Variants in UBE3D observed in about 807,000 individuals in gnomAD.
UBE3D encodes the protein ubiquitin protein ligase E3D, also known as E3 ubiquitin-protein ligase E3D.
A neutral mutation model predicts 49.6 loss-of-function variants in UBE3D; 48 were observed. The ratio of observed to expected loss-of-function variants is 0.97; its 90% CI spans 0.77 to 1.23. The LOEUF is 1.23. Among genes scored for constraint, UBE3D ranks in the 50% most tolerant of loss-of-function variants. The pLI is 0.00. For missense variants in UBE3D, 452 were observed against 468.4 expected, an observed-to-expected ratio of 0.96 and a Z score of 0.32; for synonymous variants, 189 against 174.2, an observed-to-expected ratio of 1.08 and a Z score of -0.67.
At chr6:82,984,030 G>A (rs1043947132) in intron 8 of UBE3D, among the ~76,000 whole-genome samples, 18 of 152,172 alleles carry the variant, frequency 1.2e-4, no homozygotes, top group African/African-American at 4.3e-4. Context: ...TATGAAATCA[G>A]ATATATTTTT....
At chr6:82,900,618 G>A (rs1490469982) in intron 9 of UBE3D, among the ~76,000 whole-genome samples, 1 of 152,132 alleles carries the variant, frequency 6.6e-6, no homozygotes, top group Non-Finnish European at 1.5e-5. Context: ...AAGGAAAGAG[G>A]AGGAAATAGC....
chr6:82,977,061 C>T (rs186684338), intron 8 of UBE3D, among the ~76,000 whole-genome samples: 158 of 120,868 alleles, frequency 1.3e-3, no homozygotes, highest in African/African-American at 4.8e-3. Flanking sequence ...TTGCAGTGAA[C>T]TGAGATTGTG....
chr6:82,962,420 A>C (rs556535733), intron 8 of UBE3D, among the ~76,000 whole-genome samples: 1 of 152,296 alleles, frequency 6.6e-6, no homozygotes. Context: ...CTGGAGCCTA[A>C]TTTCCTCACA....
At chr6:82,894,887 T>C (rs1326842877) in intron 9 of UBE3D, among the ~76,000 whole-genome samples, 1 of 152,222 alleles carries the variant, frequency 6.6e-6, no homozygotes, top group Admixed American at 6.5e-5. Context: ...ACGCTGCTTA[T>C]ATTCAAACAT....
chr6:83,041,945 C>G (rs921446948), intron 4 of UBE3D, among the ~76,000 whole-genome samples: 1 of 152,014 alleles, frequency 6.6e-6, no homozygotes, highest in African/African-American at 2.4e-5. Context: ...GTGTCTCGCT[C>G]TGTCACCAGG....
intron 5 of UBE3D, among the ~76,000 whole-genome samples, chr6:83,026,087 G>A (rs1781440802): frequency 6.6e-6 from 1 of 151,980 alleles, no homozygotes; most frequent in Non-Finnish European, 1.5e-5. Flanking sequence ...ATAACTGCAT[G>A]CATGTTTCAA....
chr6:82,978,056 A>G (rs972351481), intron 8 of UBE3D, among the ~76,000 whole-genome samples: 2 of 151,712 alleles, frequency 1.3e-5, no homozygotes, highest in Non-Finnish European at 2.9e-5. Context: ...CTCATGCCCC[A>G]CATCTCGGTG....
intron 9 of UBE3D, among the ~76,000 whole-genome samples, chr6:82,939,572 T>C (rs953260437): frequency 9.2e-5 from 14 of 152,206 alleles, no homozygotes; most frequent in African/African-American, 3.4e-4. Context: ...ATACTTACCA[T>C]TGTATTACAA....
At chr6:82,983,089 G>A (rs1293984932) in intron 8 of UBE3D, among the ~76,000 whole-genome samples, 1 of 151,188 alleles carries the variant, frequency 6.6e-6, no homozygotes, top group Non-Finnish European at 1.5e-5. Context: ...GGGCTCAAGT[G>A]ATCCTCCTGC....
intron 9 of UBE3D, among the ~76,000 whole-genome samples, chr6:82,896,766 G>C (rs1771351601): frequency 6.6e-6 from 1 of 150,696 alleles, no homozygotes; most frequent in Admixed American, 6.6e-5. Flanking sequence ...TTTTGAGAGA[G>C]AGTCTTGCTC....
chr6:82,932,967 T>C (rs576444102), intron 9 of UBE3D, among the ~76,000 whole-genome samples: 113 of 152,252 alleles, frequency 7.4e-4, no homozygotes, highest in African/African-American at 2.2e-3. Context: ...TTATAAAGAA[T>C]GTGACAGTAT....
At chr6:83,041,334 G>A (rs1782657493) in intron 4 of UBE3D, among the ~76,000 whole-genome samples, 1 of 152,132 alleles carries the variant, frequency 6.6e-6, no homozygotes, top group South Asian at 2.1e-4. Flanking sequence ...GGGTAATCAG[G>A]ATTTAAAAAT....
chr6:82,986,578 T>C (rs927150621), intron 8 of UBE3D, among the ~76,000 whole-genome samples: 2 of 150,006 alleles, frequency 1.3e-5, no homozygotes, highest in Admixed American at 6.6e-5. Flanking sequence ...TTCAGCATTT[T>C]AATTTCTGTG....
intron 9 of UBE3D, among the ~76,000 whole-genome samples, chr6:82,912,434 G>T (rs1177311577): frequency 2.0e-5 from 3 of 151,222 alleles, no homozygotes; most frequent in African/African-American, 7.3e-5. Context: ...CTATTAAACT[G>T]GAATTTTTGG....
At position 83,057,890 on chromosome 6, in the gene UBE3D, C is replaced by A; in HGVS notation, c.210G>T (p.Gly70=). The part of the protein sequence containing the change: ...EVRLVPSSCR[G]LQFVVGDGLH... ...GTCCATCTCCAACAACAAACTGTAG[C>A]CCACGGCAAGAGGAAGGTACAAGCC... Residue 70 remains glycine, a synonymous_variant, in exon 2 of 10, where the codon GGG becomes GGT. Coordinates refer to ENST00000369747, the MANE Select transcript of UBE3D (RefSeq NM_198920.3). 1 of 1,614,174 alleles carries A rather than the reference C, an allele frequency of 6.2e-7. No individual in the cohort carries two copies. Among genetic ancestry groups the A allele is most frequent in the African/African-American group, 1.3e-5 (1 of 75,034 alleles).
At chr6:82,902,356 C>A (rs968826015) in intron 9 of UBE3D, among the ~76,000 whole-genome samples, 1 of 152,178 alleles carries the variant, frequency 6.6e-6, no homozygotes, top group Non-Finnish European at 1.5e-5. Flanking sequence ...TTTAAGGCAG[C>A]ATTATTTTAA....
intron 9 of UBE3D, among the ~76,000 whole-genome samples, chr6:82,900,679 T>C (rs1019712946): frequency 1.3e-5 from 2 of 152,156 alleles, no homozygotes; most frequent in Non-Finnish European, 2.9e-5. Context: ...AAAAGTGTCA[T>C]GGAAACACTA....
At chr6:82,957,163 C>G (rs1170344905) in intron 9 of UBE3D, 149 bp downstream of exon 9, 1 of 794,226 alleles carries the variant, frequency 1.3e-6, no homozygotes, top group Non-Finnish European at 1.9e-6. Flanking sequence ...AAACAAAAAA[C>G]AGATAGACAA....
intron 4 of UBE3D, among the ~76,000 whole-genome samples, chr6:83,042,338 C>T (rs4612135): frequency 2.6e-5 from 4 of 152,228 alleles, no homozygotes; most frequent in Non-Finnish European, 5.9e-5. Context: ...AATAACAAAG[C>T]CTCCAATAAA....
Sources: allele counts gnomAD v4.1 joint callset (sites outside exome capture counted in the v4.1 genomes callset), GRCh38; gene constraint gnomAD v4.1.1; transcripts MANE v1.5; gene names NCBI Gene and HGNC (gene_info 2026-07-23, HGNC 2026-07-21).